Variants in UNC5D observed in about 807,000 individuals in gnomAD.
UNC5D encodes unc-5 netrin receptor D.
A neutral mutation model predicts 105.4 loss-of-function variants in UNC5D; 39 were observed. That is an observed-to-expected ratio of 0.37 (90% CI 0.29 to 0.48). The LOEUF (loss-of-function observed/expected upper bound fraction) is 0.48. UNC5D is among the 20% of genes least tolerant of loss of function. The probability of loss-of-function intolerance (pLI) is 0.98; values close to 1 mark genes in which losing one functional copy is unlikely to be tolerated. For missense variants in UNC5D, 991 were observed against 1,202.4 expected, an observed-to-expected ratio of 0.82 and a Z score of 2.60; for synonymous variants, 452 against 450.4, an observed-to-expected ratio of 1.00 and a Z score of -0.04.
intron 1 of UNC5D, among the ~76,000 whole-genome samples, chr8:35,439,600 T>G (rs1249984873): frequency 1.3e-5 from 2 of 152,070 alleles, no homozygotes; most frequent in Non-Finnish European, 2.9e-5. Context: ...ACCCTAATTC[T>G]TCAGGCTTCA....
At chr8:35,594,859 G>A (rs202195315) in intron 3 of UNC5D, among the ~76,000 whole-genome samples, 2 of 152,346 alleles carry the variant, frequency 1.3e-5, no homozygotes, top group East Asian at 3.9e-4. Context: ...ACCTCTGCAA[G>A]TGTCATCCTT....
intron 8 of UNC5D, among the ~76,000 whole-genome samples, chr8:35,719,690 T>G (rs1002054458): frequency 6.6e-6 from 1 of 152,190 alleles, no homozygotes; most frequent in African/African-American, 2.4e-5. Context: ...TTTGTTGAAT[T>G]AGTGAAATTA....
intron 1 of UNC5D, among the ~76,000 whole-genome samples, chr8:35,468,260 C>T (rs1045172361): frequency 6.6e-6 from 1 of 152,140 alleles, no homozygotes; most frequent in African/African-American, 2.4e-5. Context: ...TAGGCAAGTA[C>T]TTTTGACCAC....
intron 1 of UNC5D, among the ~76,000 whole-genome samples, chr8:35,481,171 C>G (rs1810456354): frequency 6.6e-6 from 1 of 152,168 alleles, no homozygotes; most frequent in Non-Finnish European, 1.5e-5. Flanking sequence ...CAAACATATC[C>G]TACCAGAAGA....
At chr8:35,517,164 C>T (rs935969423) in intron 1 of UNC5D, among the ~76,000 whole-genome samples, 1 of 152,158 alleles carries the variant, frequency 6.6e-6, no homozygotes, top group Non-Finnish European at 1.5e-5. Flanking sequence ...TAGGCCTCCC[C>T]TCCCCAAAGC....
At chr8:35,305,243 A>T (rs1159214343) in intron 1 of UNC5D, among the ~76,000 whole-genome samples, 2 of 152,164 alleles carry the variant, frequency 1.3e-5, no homozygotes, top group Admixed American at 6.6e-5. Flanking sequence ...AATTGAATAT[A>T]AATGAAGAAA....
chr8:35,686,590 C>T lies in UNC5D; in HGVS notation c.965C>T (p.Pro322Leu). The T allele has an allele frequency of 6.2e-7, 1 of 1,600,886 alleles. No homozygotes were observed. Among genetic ancestry groups the T allele is most frequent in the Non-Finnish European group, 8.5e-7 (1 of 1,175,874 alleles). ...EVWSEWSVCSPECEHLRIREC... is the reference protein window; with the variant it reads ...EVWSEWSVCSLECEHLRIREC... ...TGGAGCGAATGGTCCGTCTGCAGTC[C>T]AGAGTGTGAACATTTGCGGATCCGG... Residue 322 changes from proline (P) to leucine (L), a missense_variant, in exon 7 of 17, where the codon CCA (proline) becomes CTA (leucine). Coordinates refer to ENST00000404895, the MANE Select transcript of UNC5D (RefSeq NM_080872.4).
chr8:35,716,943 C>T (rs1160586833), intron 8 of UNC5D, among the ~76,000 whole-genome samples: 2 of 152,200 alleles, frequency 1.3e-5, no homozygotes, highest in Non-Finnish European at 2.9e-5. Flanking sequence ...TGGCAGGGCA[C>T]TTTGTATCAA....
chr8:35,467,748 G>T lies in UNC5D; in HGVS notation c.104-81544G>T, dbSNP rs1367018148. Among the ~76,000 whole-genome samples, 4 of 152,196 alleles carry T rather than the reference G, an allele frequency of 2.6e-5. No individual in the cohort carries two copies. In the East Asian group the frequency reaches 5.8e-4, roughly 22 times the overall value. On this transcript the variant is annotated intron_variant, in intron 1 of 16. Coordinates refer to ENST00000404895, the MANE Select transcript of UNC5D (RefSeq NM_080872.4). ...GGCAGATGTTGGGGTAGGGTGGAGGGAATAGAACTCATTCAAGATTACCAA... is the reference window on the plus strand; with the variant it reads ...GGCAGATGTTGGGGTAGGGTGGAGGTAATAGAACTCATTCAAGATTACCAA...
At chr8:35,560,922 G>A (rs1161132368) in intron 2 of UNC5D, among the ~76,000 whole-genome samples, 1 of 152,168 alleles carries the variant, frequency 6.6e-6, no homozygotes. Flanking sequence ...TGAATGAGGG[G>A]TTACAAAACC....
intron 1 of UNC5D, among the ~76,000 whole-genome samples, chr8:35,504,095 G>A (rs1812151966): frequency 6.6e-6 from 1 of 152,186 alleles, no homozygotes; most frequent in South Asian, 2.1e-4. Flanking sequence ...ATTCTATGCA[G>A]GAGAAAGTAT....
intron 7 of UNC5D, among the ~76,000 whole-genome samples, chr8:35,701,704 G>A (rs1827214847): frequency 1.3e-5 from 2 of 152,080 alleles, no homozygotes; most frequent in Middle Eastern, 3.4e-3. Context: ...AGTGACAAAA[G>A]CAGATTGCAG....
chr8:35,755,362 AT>A (rs2131663463), intron 13 of UNC5D, among the ~76,000 whole-genome samples: 1 of 152,264 alleles, frequency 6.6e-6, no homozygotes, highest in Admixed American at 6.5e-5. Flanking sequence ...TTAGAATCTA[AT>A]TTCAAAGGAT....
intron 1 of UNC5D, among the ~76,000 whole-genome samples, chr8:35,393,957 T>C (rs761172420): frequency 2.6e-5 from 4 of 152,158 alleles, no homozygotes; most frequent in Non-Finnish European, 5.9e-5. Flanking sequence ...CTTTTTTCTC[T>C]TCTTCCCTTT....
At chr8:35,507,729 A>G (rs571489543) in intron 1 of UNC5D, among the ~76,000 whole-genome samples, 1 of 152,144 alleles carries the variant, frequency 6.6e-6, no homozygotes, top group Non-Finnish European at 1.5e-5. Flanking sequence ...TTAATAATTT[A>G]ATTGTACATT....
intron 1 of UNC5D, among the ~76,000 whole-genome samples, chr8:35,534,662 G>T (rs1814700359): frequency 2.0e-5 from 3 of 151,628 alleles, no homozygotes; most frequent in African/African-American, 7.3e-5. Context: ...TTAAGTAAAG[G>T]TACCACAGAA....
At position 35,552,822 on chromosome 8, in the gene UNC5D, G is replaced by A. The variant is rs566945062; in HGVS notation, c.322+3312G>A. Among the ~76,000 whole-genome samples the A allele has an allele frequency of 1.1e-4, 17 of 152,264 alleles. No homozygotes were observed. The East Asian group carries it at 2.7e-3, about 24-fold the overall frequency. ...CAGAGACAACAGCAGTCTCACTTAC[G>A]TTGACATTAAAAATTCAAAGGAAGA... On this transcript the variant is annotated intron_variant, in intron 2 of 16. Coordinates refer to ENST00000404895, the MANE Select transcript of UNC5D (RefSeq NM_080872.4).
At chr8:35,678,991 G>T (rs1825471230) in intron 4 of UNC5D, among the ~76,000 whole-genome samples, 1 of 152,094 alleles carries the variant, frequency 6.6e-6, no homozygotes, top group South Asian at 2.1e-4. Flanking sequence ...TGTGATTCAT[G>T]CCAGTAATCC....
intron 1 of UNC5D, among the ~76,000 whole-genome samples, chr8:35,387,374 A>AAAAAAG (rs1245280726): frequency 0.022 from 3,358 of 149,480 alleles, 122 homozygotes; most frequent in Non-Finnish European, 0.036. Flanking sequence ...AAAAAAAAAA[A>AAAAAAG]AGAGAAACGC....
Sources: allele counts gnomAD v4.1 joint callset (sites outside exome capture counted in the v4.1 genomes callset), GRCh38; gene constraint gnomAD v4.1.1; transcripts MANE v1.5; gene names NCBI Gene and HGNC (gene_info 2026-07-23, HGNC 2026-07-21).